Variants in PDCD6 observed in about 807,000 individuals in gnomAD.
PDCD6 encodes the protein programmed cell death 6, also known as programmed cell death protein 6.
PDCD6 carries 12 observed loss-of-function variants against 28.3 expected under a neutral mutation model. That is an observed-to-expected ratio of 0.42 (90% confidence interval 0.27 to 0.69). The LOEUF (loss-of-function observed/expected upper bound fraction) is 0.69, where lower values mean the gene tolerates loss of function less well. Among genes scored for constraint, PDCD6 ranks in the 30% least tolerant of loss-of-function variants. The pLI, the probability that PDCD6 is intolerant of heterozygous loss-of-function variation, is 0.22. For missense variants in PDCD6, 226 were observed against 269.9 expected, an observed-to-expected ratio of 0.84 and a Z score of 1.14; for synonymous variants, 92 against 108.0, an observed-to-expected ratio of 0.85 and a Z score of 0.92.
At chr5:291,768 T>G (rs1739329068) in intron 2 of PDCD6, among the ~76,000 whole-genome samples, 2 of 152,238 alleles carry the variant, frequency 1.3e-5, no homozygotes, top group Non-Finnish European at 2.9e-5. Flanking sequence ...TCCCATCGTC[T>G]GAGGGGAGCA....
intron 2 of PDCD6, among the ~76,000 whole-genome samples, chr5:286,139 C>A (rs1738946926): frequency 7.0e-6 from 1 of 143,198 alleles, no homozygotes; most frequent in South Asian, 2.2e-4. Context: ...AGCTGGAGAC[C>A]CGGGGGGAGT....
chr5:292,716 C>T (rs1046058718), intron 2 of PDCD6, among the ~76,000 whole-genome samples: 3 of 152,138 alleles, frequency 2.0e-5, no homozygotes, highest in African/African-American at 7.2e-5. Flanking sequence ...AGAACAGAGC[C>T]GAGAGGAGGC....
intron 2 of PDCD6, among the ~76,000 whole-genome samples, chr5:279,783 CAAAA>C (rs35224887): frequency 7.4e-4 from 56 of 75,580 alleles, no homozygotes; most frequent in East Asian, 4.1e-3. Flanking sequence ...AAAGTAATGG[CAAAA>C]AAAAAAAAAA....
intron 2 of PDCD6, chr5:290,362 G>A: frequency 9.8e-7 from 1 of 1,021,256 alleles, no homozygotes; most frequent in Non-Finnish European, 1.5e-6. Context: ...TCCCTCCGCA[G>A]GTCTCTTGGG....
At chr5:272,043 C>G (rs990169415) in intron 1 of PDCD6, among the ~76,000 whole-genome samples, 2 of 151,928 alleles carry the variant, frequency 1.3e-5, no homozygotes, top group Non-Finnish European at 2.9e-5. Context: ...CCGCGGTCTC[C>G]CCCGTCCGCT....
At position 314,761 on chromosome 5, in the gene PDCD6, A is replaced by C. The variant is rs894280225; in HGVS notation, c.*246A>C. On this transcript the variant is annotated 3_prime_UTR_variant, in exon 6 of 6. Coordinates refer to ENST00000264933, the MANE Select transcript of PDCD6 (RefSeq NM_013232.4). ...CTCATTGTGCCATGAGGTAAATGTA[A>C]TGTTTCAGGCATTCTGCTTGCAAAA... is the stretch of plus-strand genomic sequence containing the variant. 2 of 586,896 alleles carry C rather than the reference A, an allele frequency of 3.4e-6. No individual in the cohort carries two copies. Among genetic ancestry groups the C allele is most frequent in the African/African-American group, 3.7e-5 (2 of 54,446 alleles). The allele number at this position is 586,896 out of a possible 1,614,324, so 36.4% of individuals were successfully genotyped here. A position where few individuals can be genotyped will look rare whatever the true frequency, so the allele number is the denominator to read the frequency against.
chr5:306,566 G>A (rs746722797), intron 3 of PDCD6, 36 bp from the exon 4 acceptor site: 2 of 1,607,366 alleles, frequency 1.2e-6, no homozygotes, highest in East Asian at 2.2e-5. Context: ...TGCTGCAACT[G>A]ATCTTTTGCT....
At chr5:290,403 T>G in intron 2 of PDCD6, 1 of 756,982 alleles carries the variant, frequency 1.3e-6, no homozygotes, top group Non-Finnish European at 2.3e-6. Context: ...CCCCCCGACG[T>G]CCTCCCACTC....
Position 311,320 on chromosome 5 carries a change from A to G in PDCD6, c.395A>G (p.Asp132Gly), listed in dbSNP as rs1740900241. Residue 132 changes from aspartate (D) to glycine (G), a missense_variant, in exon 5 of 6, where the codon GAC (aspartate) becomes GGC (glycine). By Grantham distance (94) the Asp-to-Gly change is moderately conservative (BLOSUM62 -1). Around this residue, in one of 3 missense-constraint regions of PDCD6, gnomAD observed 151 missense variants for 177.2 expected, o/e 0.85. Transcript: ENST00000264933. ...TACCGGCTCTCTGACCAGTTCCACG[A>G]CATCCTCATTCGAAAGTTTGACAGG... is the stretch of plus-strand genomic sequence containing the variant. Reference protein sequence around the residue: ...FGYRLSDQFHDILIRKFDRQG... With the variant: ...FGYRLSDQFHGILIRKFDRQG... 6.2e-7 allele frequency: 1 copy of G among 1,613,952 alleles called. No homozygotes were observed. The highest frequency in any genetic ancestry group is 1.7e-5 in the Admixed American group (1 of 59,988).
At chr5:301,844 G>C (rs1161263837) in intron 2 of PDCD6, among the ~76,000 whole-genome samples, 1 of 146,570 alleles carries the variant, frequency 6.8e-6, no homozygotes, top group African/African-American at 2.5e-5. Context: ...CAGCTTCTCT[G>C]CATAACTGCT....
chr5:281,683 T>G (rs2126696851), intron 2 of PDCD6, among the ~76,000 whole-genome samples: 1 of 152,114 alleles, frequency 6.6e-6, no homozygotes, highest in East Asian at 1.9e-4. Context: ...GGTTCTAGTT[T>G]GATGGTTGTG....
At chr5:298,163 G>T (rs993723160) in intron 2 of PDCD6, among the ~76,000 whole-genome samples, 5 of 152,148 alleles carry the variant, frequency 3.3e-5, no homozygotes, top group African/African-American at 1.2e-4. Flanking sequence ...TCCCAGGCAC[G>T]GGTCGAGCTG....
At chr5:296,125 A>G (rs1739594239) in intron 2 of PDCD6, among the ~76,000 whole-genome samples, 1 of 152,192 alleles carries the variant, frequency 6.6e-6, no homozygotes, top group African/African-American at 2.4e-5. Flanking sequence ...GACAAATGTC[A>G]CTTTCTCAAG....
chr5:279,137 G>T lies in PDCD6; in HGVS notation c.163+6365G>T, dbSNP rs928841495. ...CGCTGGTGAAGAAGAATTCCAGTGT[G>T]GGGACACAGAGACTGACATTTCTTG... is the stretch of plus-strand genomic sequence containing the variant. On this transcript the variant is annotated intron_variant, in intron 2 of 5. Transcript: ENST00000264933. 7.9e-5 allele frequency among the ~76,000 whole-genome samples: 12 copies of T among 152,274 alleles called. No homozygotes were observed. The East Asian group carries it at 1.4e-3, about 17-fold the overall frequency.
intron 5 of PDCD6, 97 bp from the exon 6 acceptor site, chr5:314,320 T>C (rs1407835388): frequency 1.2e-6 from 1 of 801,702 alleles, no homozygotes; most frequent in African/African-American, 1.7e-5. Flanking sequence ...CCAGAAGACG[T>C]GTGTGCTTCT....
At chr5:301,552 T>C (rs1348432741) in intron 2 of PDCD6, among the ~76,000 whole-genome samples, 5 of 152,270 alleles carry the variant, frequency 3.3e-5, no homozygotes, top group Admixed American at 3.3e-4. Context: ...ATCCTGCAGA[T>C]TATCACTCTA....
In PDCD6 at chr5:307,202, C is replaced by T. The variant is rs577852957; in HGVS notation, c.367+442C>T. Among the ~76,000 whole-genome samples the T allele has an allele frequency of 4.6e-5, 7 of 151,634 alleles. No individual in the cohort carries two copies. In the East Asian group the frequency reaches 7.7e-4, roughly 17 times the overall value. On this transcript the variant is annotated intron_variant, in intron 4 of 5. Transcript: ENST00000264933. This position sits in a 1 kb window ranked among gnomAD's most constrained non-coding sequence, Gnocchi z 6.1. The stretch of plus-strand genomic sequence containing the variant: ...GCCTCAGAAGGGGCGTTAGGCAGAA[C>T]GCGTGCCCATTCTCAGGTGTGCTCG...
intron 2 of PDCD6, among the ~76,000 whole-genome samples, chr5:300,999 G>A (rs1579530039): frequency 6.6e-6 from 1 of 152,212 alleles, no homozygotes; most frequent in African/African-American, 2.4e-5. Flanking sequence ...GCGCTGCGGC[G>A]TTAACATCTC....
At chr5:304,391 C>G (rs1258429411) in intron 3 of PDCD6, 170 bp downstream of exon 3, 2 of 1,068,436 alleles carry the variant, frequency 1.9e-6, no homozygotes, top group African/African-American at 2.2e-5. Flanking sequence ...TACCTTTTCA[C>G]ATCTCTCCGT....
Sources: gnomAD v4.1 joint callset for allele counts (sites outside exome capture counted in the v4.1 genomes callset) on GRCh38, gnomAD v4.1.1 for gene constraint, gnomAD v4.1.1 regional missense constraint, Gnocchi (gnomAD v3.1) non-coding constraint, MANE v1.5 for transcripts, NCBI Gene and HGNC (gene_info 2026-07-23, HGNC 2026-07-21) for gene names.